Variants in LMLN observed in about 807,000 individuals in gnomAD.
LMLN encodes the protein leishmanolysin like peptidase.
LMLN carries 70 observed loss-of-function variants against 92.3 expected under a neutral mutation model. The observed-to-expected ratio is 0.76, with a 90% CI of 0.63 to 0.92. The LOEUF (loss-of-function observed/expected upper bound fraction) is 0.92. LMLN is among the 40% of genes least tolerant of loss of function. The pLI is 0.00. For missense variants in LMLN, 691 were observed against 814.6 expected (o/e 0.85, Z 1.85); for synonymous variants, 308 against 296.2 (o/e 1.04, Z -0.41).
At chr3:198,001,724 G>T (rs984364405) in intron 11 of LMLN, among the ~76,000 whole-genome samples, 1 of 152,216 alleles carries the variant, frequency 6.6e-6, no homozygotes, top group African/African-American at 2.4e-5. Flanking sequence ...TTTGGAAGAT[G>T]CTACATTACA....
At chr3:197,996,018 T>G (rs1273097565) in intron 9 of LMLN, among the ~76,000 whole-genome samples, 157 bp from the exon 10 acceptor site, 1 of 152,236 alleles carries the variant, frequency 6.6e-6, no homozygotes, top group Non-Finnish European at 1.5e-5. Context: ...TTAAAATATT[T>G]AGTTATATTA....
chr3:197,989,278 C>A (rs1340754674), intron 8 of LMLN, among the ~76,000 whole-genome samples: 1 of 152,098 alleles, frequency 6.6e-6, no homozygotes, highest in Non-Finnish European at 1.5e-5. Context: ...TGCTATAAAT[C>A]TTTGATTAAT....
chr3:198,009,543 G>A (rs1286836272), intron 11 of LMLN, among the ~76,000 whole-genome samples: 3 of 152,242 alleles, frequency 2.0e-5, no homozygotes, highest in South Asian at 2.1e-4. Flanking sequence ...TATAAAATTG[G>A]TGTTAATTCT....
exon 14 of LMLN, chr3:198,024,672 T>C (rs760810821): frequency 6.3e-7 from 1 of 1,590,154 alleles, no homozygotes; most frequent in South Asian, 1.2e-5. Flanking sequence ...TTTTAAGAAC[T>C]ATGGCGCTGA....
intron 11 of LMLN, among the ~76,000 whole-genome samples, chr3:198,010,239 C>T (rs536968731): frequency 1.4e-3 from 215 of 152,022 alleles, no homozygotes; most frequent in African/African-American, 4.8e-3. Context: ...CTGCAGCCTC[C>T]GCCTCCCGGG....
intron 8 of LMLN, 133 bp from the exon 9 acceptor site, chr3:197,990,426 A>T: frequency 2.0e-6 from 1 of 500,194 alleles, no homozygotes; most frequent in Non-Finnish European, 3.6e-6. Context: ...TTTGGACTTG[A>T]TACATAGGAG....
chr3:197,963,330 A>G (rs1363118456), intron 1 of LMLN, among the ~76,000 whole-genome samples: 1 of 151,940 alleles, frequency 6.6e-6, no homozygotes, highest in Non-Finnish European at 1.5e-5. Context: ...TAATCTCCCA[A>G]GTAGCTGGGA....
At chr3:197,996,317 T>C in intron 10 of LMLN, 35 bp downstream of exon 10, 1 of 1,245,616 alleles carries the variant, frequency 8.0e-7, no homozygotes, top group Non-Finnish European at 1.1e-6. Context: ...AGACTTTATT[T>C]AATGAAAATA....
chr3:197,988,149 C>A (rs1721763317), intron 8 of LMLN, among the ~76,000 whole-genome samples: 1 of 151,270 alleles, frequency 6.6e-6, no homozygotes, highest in Non-Finnish European at 1.5e-5. Context: ...TCATTAAATT[C>A]ATCTATCTTT....
chr3:197,998,692 C>T (rs945419275), intron 10 of LMLN, among the ~76,000 whole-genome samples: 1 of 152,182 alleles, frequency 6.6e-6, no homozygotes, highest in Non-Finnish European at 1.5e-5. Flanking sequence ...GTGAAGTCCT[C>T]ATCATTAGGT....
intron 1 of LMLN, among the ~76,000 whole-genome samples, chr3:197,964,074 T>G (rs1720980256): frequency 6.6e-6 from 1 of 152,212 alleles, no homozygotes; most frequent in African/African-American, 2.4e-5. Flanking sequence ...ATGTGGTAGA[T>G]TACATTGCAT....
intron 9 of LMLN, among the ~76,000 whole-genome samples, chr3:197,992,428 A>C (rs1721901360): frequency 6.6e-6 from 1 of 152,226 alleles, no homozygotes; most frequent in Admixed American, 6.5e-5. Flanking sequence ...AGAAGATGCA[A>C]ATAACATAAG....
intron 14 of LMLN, among the ~76,000 whole-genome samples, chr3:198,030,889 C>T (rs936373217): frequency 6.6e-6 from 1 of 151,946 alleles, no homozygotes; most frequent in African/African-American, 2.4e-5. Context: ...TCATCTCTGC[C>T]CTCAGGGTCT....
chr3:197,999,593 A>G (rs1237347211), intron 11 of LMLN: 6 of 442,448 alleles, frequency 1.4e-5, no homozygotes, highest in Non-Finnish European at 2.5e-5. Context: ...TGCAGTGGCA[A>G]TCTGGACTCA....
chr3:197,992,558 A>G (rs1000581484), intron 9 of LMLN, among the ~76,000 whole-genome samples: 2 of 152,244 alleles, frequency 1.3e-5, no homozygotes, highest in African/African-American at 4.8e-5. Flanking sequence ...AAATTCCTAG[A>G]CAAATACAAC....
chr3:197,985,567 A>G, intron 7 of LMLN: 1 of 318,644 alleles, frequency 3.1e-6, no homozygotes, highest in Non-Finnish European at 5.7e-6. Flanking sequence ...TATATAATAC[A>G]TTTTAGAAAA....
intron 11 of LMLN, among the ~76,000 whole-genome samples, chr3:198,005,931 A>G (rs926671034): frequency 6.6e-6 from 1 of 152,060 alleles, no homozygotes; most frequent in Non-Finnish European, 1.5e-5. Flanking sequence ...AGCCTGGCCA[A>G]CATAGTGAAA....
At chr3:197,985,673 C>A in intron 7 of LMLN, 123 bp from the exon 8 acceptor site, 2 of 540,804 alleles carry the variant, frequency 3.7e-6, no homozygotes, top group Non-Finnish European at 6.6e-6. Context: ...AGGAGAAGTT[C>A]CTACAGAAGC....
At chr3:197,974,279 G>T (rs781147542) in intron 1 of LMLN, 98 bp from the exon 2 acceptor site, 1 of 673,580 alleles carries the variant, frequency 1.5e-6, no homozygotes. Flanking sequence ...TTTTCTCTGG[G>T]TATTACACTT....
Sources: allele counts gnomAD v4.1 joint callset (sites outside exome capture counted in the v4.1 genomes callset), GRCh38; gene constraint gnomAD v4.1.1; transcripts MANE v1.5; gene names NCBI Gene and HGNC (gene_info 2026-07-23, HGNC 2026-07-21).